Variants in MAGI1 observed in about 807,000 individuals in gnomAD.
The protein encoded by MAGI1 is membrane associated guanylate kinase, WW and PDZ domain containing 1, also known as membrane-associated guanylate kinase, WW and PDZ domain-containing protein 1.
In MAGI1, 58 loss-of-function variants were observed where a neutral mutation model predicts 139.9. The ratio of observed to expected loss-of-function variants is 0.41; its 90% confidence interval spans 0.34 to 0.52. The LOEUF (loss-of-function observed/expected upper bound fraction) is 0.52. Ranked by LOEUF, MAGI1 falls within the 20% of genes least tolerant of loss-of-function variation. MAGI1 has a pLI of 0.12. For synonymous variants in MAGI1, 812 were observed against 737.9 expected (o/e 1.10, Z -1.63); for missense variants, 1,874 against 1,901.6 (o/e 0.99, Z 0.27).
At chr3:65,539,428 A>G (rs931939499) in intron 2 of MAGI1, among the ~76,000 whole-genome samples, 2 of 152,246 alleles carry the variant, frequency 1.3e-5, no homozygotes, top group Non-Finnish European at 2.9e-5. Flanking sequence ...CCAGAAACAC[A>G]TATCAGCTAC....
chr3:65,899,031 C>T (rs1256994225), intron 1 of MAGI1, among the ~76,000 whole-genome samples: 2 of 152,156 alleles, frequency 1.3e-5, no homozygotes, highest in Non-Finnish European at 2.9e-5. Flanking sequence ...GGGTGATCCT[C>T]CCACCTCAGC....
intron 14 of MAGI1, 119 bp from the exon 15 acceptor site, chr3:65,383,742 A>C (rs1943237890): frequency 1.4e-6 from 1 of 713,050 alleles, no homozygotes; most frequent in Non-Finnish European, 2.5e-6. Flanking sequence ...AAGATTTTCA[A>C]TATAGGCAAA....
At chr3:65,790,471 A>T (rs898123498) in intron 1 of MAGI1, among the ~76,000 whole-genome samples, 3 of 152,234 alleles carry the variant, frequency 2.0e-5, no homozygotes, top group Non-Finnish European at 4.4e-5. Flanking sequence ...GAAGTCCAGT[A>T]ATGGTCCTTC....
At chr3:65,644,416 C>A (rs372472024) in intron 1 of MAGI1, among the ~76,000 whole-genome samples, 284 of 102,784 alleles carry the variant, frequency 2.8e-3, no homozygotes, top group Middle Eastern at 5.6e-3. Context: ...AACCTCAGCC[C>A]AAAAAAAAAA....
intron 1 of MAGI1, among the ~76,000 whole-genome samples, chr3:66,033,530 C>A (rs1275871665): frequency 1.3e-5 from 2 of 152,166 alleles, no homozygotes; most frequent in Non-Finnish European, 2.9e-5. Context: ...CCAAACAACT[C>A]TGAAAGACAA....
intron 6 of MAGI1, among the ~76,000 whole-genome samples, chr3:65,448,795 C>T (rs73131697): frequency 0.29 from 44,540 of 151,790 alleles, 7,534 homozygotes; most frequent in East Asian, 0.7. Flanking sequence ...GGGAGCAAAA[C>T]AAGTCCAAAT....
At chr3:65,950,049 AAAAAAAAAACAAAAAAAC>A (rs2063725409) in intron 1 of MAGI1, among the ~76,000 whole-genome samples, 2 of 106,504 alleles carry the variant, frequency 1.9e-5, no homozygotes, top group Admixed American at 1.1e-4. Flanking sequence ...ATCATCAAAA[AAAAAAAAAACAAAAAAAC>A]AAAAAAAAAA....
chr3:66,037,883 C>T, intron 1 of MAGI1, 113 bp downstream of exon 1: 1 of 1,494,048 alleles, frequency 6.7e-7, no homozygotes, highest in African/African-American at 1.4e-5. Flanking sequence ...CGCACGGCCT[C>T]AACTTCTCTT....
chr3:65,979,358 A>T (rs925788093), intron 1 of MAGI1, among the ~76,000 whole-genome samples: 6 of 152,096 alleles, frequency 3.9e-5, no homozygotes, highest in African/African-American at 1.4e-4. Context: ...CTCGCAGTTA[A>T]ATTCCGTTTC....
chr3:65,718,244 G>A (rs1288553262), intron 1 of MAGI1, among the ~76,000 whole-genome samples: 1 of 151,976 alleles, frequency 6.6e-6, no homozygotes, highest in Non-Finnish European at 1.5e-5. Context: ...TCTAACAGCA[G>A]AAGCAAGTTA....
At chr3:65,443,678 G>A (rs1559558557) in intron 7 of MAGI1, among the ~76,000 whole-genome samples, 1 of 151,366 alleles carries the variant, frequency 6.6e-6, no homozygotes, top group African/African-American at 2.4e-5. Flanking sequence ...GGACTAGGTT[G>A]TGGGTTTTTT....
intron 1 of MAGI1, among the ~76,000 whole-genome samples, chr3:65,736,688 C>T (rs1012438184): frequency 2.6e-5 from 4 of 152,154 alleles, no homozygotes; most frequent in Admixed American, 6.5e-5. Context: ...AGAACAAGTT[C>T]GCCCTTCCTC....
At chr3:65,458,782 T>C (rs1183695022) in intron 5 of MAGI1, among the ~76,000 whole-genome samples, 1 of 152,190 alleles carries the variant, frequency 6.6e-6, no homozygotes, top group African/African-American at 2.4e-5. Context: ...TTGTTTCCTT[T>C]TCTGTGCAGA....
intron 1 of MAGI1, among the ~76,000 whole-genome samples, chr3:65,708,000 C>T (rs1207421423): frequency 1.3e-5 from 2 of 152,178 alleles, no homozygotes; most frequent in Non-Finnish European, 2.9e-5. Context: ...AATGTCTACA[C>T]ACTTTAAAAG....
chr3:65,572,512 G>T (rs985533904), intron 2 of MAGI1, among the ~76,000 whole-genome samples: 1 of 152,046 alleles, frequency 6.6e-6, no homozygotes, highest in Non-Finnish European at 1.5e-5. Context: ...TGCATCACAG[G>T]GTCACAGACA....
chr3:65,680,717 G>A (rs1042243360), intron 1 of MAGI1, among the ~76,000 whole-genome samples: 4 of 151,870 alleles, frequency 2.6e-5, no homozygotes, highest in African/African-American at 9.7e-5. Context: ...CTCAACACCC[G>A]GCCTGAGCCA....
At chr3:65,937,811 A>T (rs1038749450) in intron 1 of MAGI1, among the ~76,000 whole-genome samples, 1 of 152,174 alleles carries the variant, frequency 6.6e-6, no homozygotes, top group Non-Finnish European at 1.5e-5. Flanking sequence ...AAATTAAGTA[A>T]GATTTTGCCT....
At chr3:65,531,676 A>G (rs1338345282) in intron 2 of MAGI1, among the ~76,000 whole-genome samples, 1 of 152,176 alleles carries the variant, frequency 6.6e-6, no homozygotes, top group East Asian at 1.9e-4. Flanking sequence ...GGAATAAAAT[A>G]GCATTAAGAA....
chr3:65,364,023 C>A (rs528097563), intron 20 of MAGI1, among the ~76,000 whole-genome samples: 184 of 152,112 alleles, frequency 1.2e-3, no homozygotes, highest in African/African-American at 4.3e-3. Flanking sequence ...GAAGGGATAA[C>A]TGAAAGCCCC....
Sources: allele counts gnomAD v4.1 joint callset (sites outside exome capture counted in the v4.1 genomes callset), GRCh38; gene constraint gnomAD v4.1.1; transcripts MANE v1.5; gene names NCBI Gene and HGNC (gene_info 2026-07-23, HGNC 2026-07-21).